ERCC2: variants seen among roughly 807,000 people sequenced by gnomAD.
ERCC2 encodes general transcription and DNA repair factor IIH helicase subunit XPD.
Under a neutral mutation model 99.4 loss-of-function variants are expected in ERCC2, and 90 were observed. The ratio of observed to expected loss-of-function variants is 0.91; its 90% CI spans 0.76 to 1.08. The LOEUF is 1.08. Among genes scored for constraint, ERCC2 ranks in the 50% least tolerant of loss-of-function variants. The pLI is 0.00. For missense variants in ERCC2, 993 were observed against 1,038.1 expected, an observed-to-expected ratio of 0.96 and a Z score of 0.60; for synonymous variants, 497 against 432.4, an observed-to-expected ratio of 1.15 and a Z score of -1.85.
chr19:45,370,486 C>G (rs2123321041), intron 1 of ERCC2, 50 bp downstream of exon 1: 2 of 1,460,306 alleles, frequency 1.4e-6, no homozygotes, highest in African/African-American at 2.8e-5. Context: ...ACCCCATCTT[C>G]AAGACCCCCC....
Position 45,349,843 on chromosome 19 carries a change from C to T in ERCC2, c.*1786G>A. 1.9e-6 allele frequency: 1 copy of T among 528,392 alleles called. No individual in the cohort carries two copies. Among genetic ancestry groups the T allele is most frequent in the Non-Finnish European group, 3.3e-6 (1 of 299,056 alleles). The allele number at this position is 528,392 out of a possible 1,614,324, so 32.7% of individuals were successfully genotyped here. A position where few individuals can be genotyped will look rare whatever the true frequency, so the allele number is the denominator to read the frequency against. The stretch of plus-strand genomic sequence containing the variant: ...GGAAGCTGGCAGGCACAGGTGGCAG[C>T]AGCAGACATTTATTGAGCTCACTGT... On this transcript the variant is annotated 3_prime_UTR_variant, in exon 23 of 23. Coordinates refer to ENST00000391945, the MANE Select transcript of ERCC2 (RefSeq NM_000400.4).
intron 15 of ERCC2, 103 bp downstream of exon 15, chr19:45,357,167 C>T (rs971125013): frequency 1.1e-5 from 9 of 809,916 alleles, no homozygotes; most frequent in Non-Finnish European, 1.9e-5. Context: ...AGCCTCTTCG[C>T]TGTAAAGCTC....
rs1972365701 is a variant in ERCC2, at chr19:45,364,767, G to A, written c.594+71C>T. The A allele has an allele frequency of 9.8e-6, 13 of 1,325,246 alleles. No homozygotes were observed. The South Asian group carries it at 1.5e-4, about 16-fold the overall frequency. The allele number at this position is 1,325,246 out of a possible 1,614,324, so 82.1% of individuals were successfully genotyped here. A position where few individuals can be genotyped will look rare whatever the true frequency, so the allele number is the denominator to read the frequency against. ...CACAGCAAGCAACAGACAGACATGG[G>A]CAGACAGGAGACGGGCGGGCAGCCC... On this transcript the variant is annotated intron_variant, in intron 7 of 22. Transcript: ENST00000391945.
At position 45,350,902 on chromosome 19, in the gene ERCC2, A is replaced by AG. The variant is rs1314427893; in HGVS notation, c.*726dup. The AG allele has an allele frequency of 1.3e-5, 20 of 1,581,306 alleles. No individual in the cohort carries two copies. The highest frequency in any genetic ancestry group is 4.2e-5 in the African/African-American group (3 of 71,940). On this transcript the variant is annotated 3_prime_UTR_variant, in exon 23 of 23. Coordinates refer to ENST00000391945, the MANE Select transcript of ERCC2 (RefSeq NM_000400.4). Reference sequence around the variant, plus strand: ...CCTGTGCTGGAAAGGTCCCTCGTGGAGGGGGGCCACTCCTGGATTCACTCA... The same window carrying AG: ...CCTGTGCTGGAAAGGTCCCTCGTGGAGGGGGGGCCACTCCTGGATTCACTCA...
In ERCC2 at chr19:45,361,661, G is replaced by C. The variant is rs3916824; in HGVS notation, c.1119-19C>G. 6.4e-7 allele frequency: 1 copy of C among 1,559,396 alleles called. No homozygotes were observed. The highest frequency in any genetic ancestry group is 2.2e-5 in the East Asian group (1 of 44,580). On this transcript the variant is annotated intron_variant, in intron 11 of 22. Transcript: ENST00000391945. Reference sequence around the variant, plus strand: ...ACAGAATCTGGCGGGGAGGAGAGACGGGGTCGGGGGGCAGACGGAAGCATG... The same window carrying C: ...ACAGAATCTGGCGGGGAGGAGAGACCGGGTCGGGGGGCAGACGGAAGCATG...
At chr19:45,359,896 T>C (rs1168672808) in intron 12 of ERCC2, among the ~76,000 whole-genome samples, 1 of 151,564 alleles carries the variant, frequency 6.6e-6, no homozygotes, top group Admixed American at 6.6e-5. Context: ...TGTCTCAGGC[T>C]CCTGAGTAGT....
rs1295953833 is a variant in ERCC2 at position 45,370,556 on chromosome 19, G to A, written c.-16C>T. On this transcript the variant is annotated 5_prime_UTR_variant, in exon 1 of 23. Coordinates refer to ENST00000391945, the MANE Select transcript of ERCC2 (RefSeq NM_000400.4). ...CTCACTTCATGGCGCCGGCCGGACT[G>A]TGCAGCGGGGTCGACCCGCCTCCCT... 6.3e-7 allele frequency: 1 copy of A among 1,592,418 alleles called. No homozygotes were observed. The highest frequency in any genetic ancestry group is 2.3e-5 in the East Asian group (1 of 44,158).
chr19:45,365,231 C>A, intron 5 of ERCC2, 73 bp from the exon 6 acceptor site: 1 of 1,125,384 alleles, frequency 8.9e-7, no homozygotes, highest in African/African-American at 1.5e-5. Context: ...GGTCTCCACA[C>A]CTCCCAGCTG....
chr19:45,361,941 T>C (rs1972239356), intron 11 of ERCC2: 1 of 383,188 alleles, frequency 2.6e-6, no homozygotes, highest in Admixed American at 3.8e-5. Flanking sequence ...TTCTTTTTCT[T>C]TTTTTTCTTT....
chr19:45,355,545 G>T, intron 16 of ERCC2, 120 bp downstream of exon 16: 1 of 947,166 alleles, frequency 1.1e-6, no homozygotes. Flanking sequence ...GGGCAAGAAG[G>T]AAACTCTGGG....
In ERCC2 at chr19:45,350,082, C is replaced by G; in HGVS notation, c.*1547G>C. On this transcript the variant is annotated 3_prime_UTR_variant, in exon 23 of 23. Coordinates refer to ENST00000391945, the MANE Select transcript of ERCC2 (RefSeq NM_000400.4). ...GGCCGAGCTCCAAACCCACTCTGCC[C>G]CAGGGCAAGGCTTTAGGCAGGGGAA... 2.0e-6 allele frequency: 1 copy of G among 512,612 alleles called. No homozygotes were observed. Among genetic ancestry groups the G allele is most frequent in the Non-Finnish European group, 3.5e-6 (1 of 286,526 alleles). 31.8% of individuals were successfully genotyped at this position (512,612 alleles called of 1,614,324 possible).
rs761085729 is a variant in ERCC2, at chr19:45,352,574, C to T, written c.1978G>A (p.Ala660Thr). 5 of 1,614,060 alleles carry T rather than the reference C, an allele frequency of 3.1e-6. 1 individual carries two copies. The highest frequency in any genetic ancestry group is 4.2e-6 in the Non-Finnish European group (5 of 1,180,012). Reference sequence around the variant, plus strand: ...ATGGCCCGACCCACACACTGGGCCGCGTGGCGCATGGCATCGAAGGTAAGA... The same window carrying T: ...ATGGCCCGACCCACACACTGGGCCGTGTGGCGCATGGCATCGAAGGTAAGA... ...DFLTFDAMRHAAQCVGRAIRG... is the reference protein window; with the variant it reads ...DFLTFDAMRHTAQCVGRAIRG... Residue 660 changes from alanine to threonine, a missense_variant, in exon 21 of 23, where the codon GCG becomes ACG. Around this residue, in one of 3 missense-constraint regions of ERCC2, gnomAD observed 909 missense variants for 930.8 expected, o/e 0.98. Coordinates refer to ENST00000391945, the MANE Select transcript of ERCC2 (RefSeq NM_000400.4).
intron 5 of ERCC2, among the ~76,000 whole-genome samples, chr19:45,368,182 G>C (rs1972492728): frequency 6.6e-6 from 1 of 152,108 alleles, no homozygotes; most frequent in South Asian, 2.1e-4. Context: ...CCTATCATGA[G>C]AATTTCTAAC....
At chr19:45,359,729 G>A (rs1972143515) in intron 12 of ERCC2, among the ~76,000 whole-genome samples, 1 of 150,486 alleles carries the variant, frequency 6.6e-6, no homozygotes, top group Non-Finnish European at 1.5e-5. Flanking sequence ...CTCCTGCTCA[G>A]GTCCCTGCCT....
Position 45,364,521 on chromosome 19 carries a change from A to G in ERCC2, c.621T>C (p.Tyr207=), listed in dbSNP as rs769836036. 4.3e-6 allele frequency: 7 copies of G among 1,613,556 alleles called. No individual in the cohort carries two copies. The Admixed American group carries it at 6.7e-5, about 15-fold the overall frequency. Residue 207 remains tyrosine (Y), a synonymous_variant, in exon 8 of 23, where the codon TAT becomes TAC. Coordinates refer to ENST00000391945, the MANE Select transcript of ERCC2 (RefSeq NM_000400.4). Reference sequence around the variant, plus strand: ...TGGGGTCCAGGAGGTAGTGGTAGCTATAAACCACCACATTGGCATGCAGGA... The same window carrying G: ...TGGGGTCCAGGAGGTAGTGGTAGCTGTAAACCACCACATTGGCATGCAGGA... ...YSILHANVVV[Y]SYHYLLDPKI...
In ERCC2 at chr19:45,351,520, G is replaced by T. The variant is rs1971776647; in HGVS notation, c.*109C>A. The stretch of plus-strand genomic sequence containing the variant: ...TTAAAGGCTGTGGACGTGACAGTGA[G>T]AAATGTCACCTGACTTCATAAGACC... On this transcript the variant is annotated 3_prime_UTR_variant, in exon 23 of 23. Coordinates refer to ENST00000391945, the MANE Select transcript of ERCC2 (RefSeq NM_000400.4). The T allele has an allele frequency of 1.2e-6, 2 of 1,600,936 alleles. No homozygotes were observed. The highest frequency in any genetic ancestry group is 1.7e-4 in the Middle Eastern group (1 of 6,046).
intron 15 of ERCC2, among the ~76,000 whole-genome samples, chr19:45,356,872 G>A (rs2123247599): frequency 6.6e-6 from 1 of 152,292 alleles, no homozygotes; most frequent in East Asian, 1.9e-4. Flanking sequence ...GGCTCATGTT[G>A]ACATGCACGT....
At position 45,350,582 on chromosome 19, in the gene ERCC2, G is replaced by GTGGGCGTGGGGACTGCATGGGCC; in HGVS notation, c.*1024_*1046dup. On this transcript the variant is annotated 3_prime_UTR_variant, in exon 23 of 23. Coordinates refer to ENST00000391945, the MANE Select transcript of ERCC2 (RefSeq NM_000400.4). ...GATGGGCTGTGCTTCGGCTCCTGGG[G>GTGGGCGTGGGGACTGCATGGGCC]TGGGCGTGGGGACTGCATGGGCCTG... The GTGGGCGTGGGGACTGCATGGGCC allele has an allele frequency of 6.2e-7, 1 of 1,613,896 alleles. No individual in the cohort carries two copies. Among genetic ancestry groups the GTGGGCGTGGGGACTGCATGGGCC allele is most frequent in the Non-Finnish European group, 8.5e-7 (1 of 1,179,904 alleles).
At chr19:45,359,093 G>A (rs1013745225) in intron 12 of ERCC2, among the ~76,000 whole-genome samples, 2 of 152,144 alleles carry the variant, frequency 1.3e-5, no homozygotes, top group Non-Finnish European at 2.9e-5. Flanking sequence ...ACTGAGAGTG[G>A]GCAGTGCTGG....
Sources: gnomAD v4.1 joint callset for allele counts (sites outside exome capture counted in the v4.1 genomes callset) on GRCh38, gnomAD v4.1.1 for gene constraint, gnomAD v4.1.1 regional missense constraint, MANE v1.5 for transcripts, NCBI Gene and HGNC (gene_info 2026-07-23, HGNC 2026-07-21) for gene names.